Variants in GEM observed in about 807,000 individuals in gnomAD.
The protein encoded by GEM is GTP binding protein overexpressed in skeletal muscle, also known as GTP-binding protein GEM.
In GEM, 31 loss-of-function variants were observed where a neutral mutation model predicts 33.0. That is an observed-to-expected ratio of 0.94 (90% CI 0.71 to 1.27). The LOEUF (loss-of-function observed/expected upper bound fraction) is 1.27. Among genes scored for constraint, GEM ranks in the 50% most tolerant of loss-of-function variants. The pLI is 0.00. For synonymous variants in GEM, 141 were observed against 143.7 expected, an observed-to-expected ratio of 0.98 and a Z score of 0.13; for missense variants, 354 against 390.5, an observed-to-expected ratio of 0.91 and a Z score of 0.79.
At position 94,262,198 on chromosome 8, in the gene GEM, C is replaced by G. The variant is rs558443687; in HGVS notation, c.-118G>C. 6.6e-6 allele frequency: 1 copy of G among 152,430 alleles called. No individual in the cohort carries two copies. The highest frequency in any genetic ancestry group is 2.1e-4 in the South Asian group (1 of 4,832). 9.4% of individuals were successfully genotyped at this position (152,430 alleles called of 1,614,324 possible). A position where few individuals can be genotyped will look rare whatever the true frequency, so the allele number is the denominator to read the frequency against. On this transcript the variant is annotated 5_prime_UTR_variant, in exon 1 of 5. Coordinates refer to ENST00000297596, the MANE Select transcript of GEM (RefSeq NM_005261.4). ...CTCCCTTCTCCGTCTCGGGCCGTCCCCCTTACTTGGCTCGGCCGGATCGGC... is the reference window on the plus strand; with the variant it reads ...CTCCCTTCTCCGTCTCGGGCCGTCCGCCTTACTTGGCTCGGCCGGATCGGC...
chr8:94,260,560 G>A, intron 1 of GEM, 48 bp from the exon 2 acceptor site: 1 of 1,056,428 alleles, frequency 9.5e-7, no homozygotes, highest in Admixed American at 2.1e-5. Context: ...GCATGAGTGA[G>A]AGCTCCGCTC....
At chr8:94,251,019 G>T (rs1808760044) in intron 4 of GEM, among the ~76,000 whole-genome samples, 1 of 152,182 alleles carries the variant, frequency 6.6e-6, no homozygotes. Flanking sequence ...TCCTCTGCAG[G>T]TGAAGTTCAC....
At chr8:94,256,386 G>A (rs955068722) in intron 2 of GEM, among the ~76,000 whole-genome samples, 3 of 152,152 alleles carry the variant, frequency 2.0e-5, no homozygotes, top group Non-Finnish European at 4.4e-5. Flanking sequence ...TACTGCAATG[G>A]CCCTGAATAA....
intron 1 of GEM, among the ~76,000 whole-genome samples, chr8:94,261,693 G>C (rs1183707548): frequency 6.6e-6 from 1 of 152,148 alleles, no homozygotes; most frequent in African/African-American, 2.4e-5. Flanking sequence ...GAAGGCTGAA[G>C]ACTCCCCTAA....
chr8:94,256,879 T>C (rs754163005), intron 2 of GEM, among the ~76,000 whole-genome samples: 48 of 152,340 alleles, frequency 3.2e-4, no homozygotes, highest in Middle Eastern at 6.8e-3. Context: ...GTTATATCCT[T>C]TAATCCTCGT....
intron 2 of GEM, among the ~76,000 whole-genome samples, chr8:94,254,497 T>C (rs923285208): frequency 1.3e-5 from 2 of 152,206 alleles, no homozygotes; most frequent in Non-Finnish European, 2.9e-5. Context: ...ACCTTAGGGC[T>C]ATGTGACAAT....
At chr8:94,250,757 G>A (rs1808752951) in intron 4 of GEM, among the ~76,000 whole-genome samples, 170 bp from the exon 5 acceptor site, 1 of 152,224 alleles carries the variant, frequency 6.6e-6, no homozygotes, top group South Asian at 2.1e-4. Context: ...ATGTCTCACT[G>A]GAGGGTCCCT....
intron 2 of GEM, among the ~76,000 whole-genome samples, chr8:94,254,334 G>A (rs1018017778): frequency 2.8e-4 from 42 of 152,146 alleles, no homozygotes; most frequent in African/African-American, 8.9e-4. Context: ...TACAGTGAAC[G>A]AATGATAAAT....
At chr8:94,257,024 A>G (rs532090194) in intron 2 of GEM, among the ~76,000 whole-genome samples, 62 of 152,174 alleles carry the variant, frequency 4.1e-4, no homozygotes, top group African/African-American at 1.2e-3. Flanking sequence ...CCCAAGCCCA[A>G]TGAGACTTCC....
chr8:94,261,559 C>T (rs1241617500), intron 1 of GEM, among the ~76,000 whole-genome samples: 2 of 152,052 alleles, frequency 1.3e-5, no homozygotes. Flanking sequence ...ACAGTGGCCT[C>T]ACTATGTTGC....
chr8:94,258,608 G>C (rs947524797), intron 2 of GEM, among the ~76,000 whole-genome samples: 3 of 152,182 alleles, frequency 2.0e-5, no homozygotes, highest in African/African-American at 7.2e-5. Context: ...CCATGTACTA[G>C]TTTTTTCACC....
chr8:94,250,067 C>T lies in GEM; in HGVS notation c.*243G>A. On this transcript the variant is annotated 3_prime_UTR_variant, in exon 5 of 5. Coordinates refer to ENST00000297596, the MANE Select transcript of GEM (RefSeq NM_005261.4). ...AAGAAACACATGTGAACACCAAACA[C>T]ATCCTCTAAAGAGTCTTGGGTGTTC... 8.0e-6 allele frequency: 4 copies of T among 498,138 alleles called. No homozygotes were observed. Among genetic ancestry groups the T allele is most frequent in the Non-Finnish European group, 1.4e-5 (4 of 285,160 alleles). 30.9% of individuals were successfully genotyped at this position (498,138 alleles called of 1,614,324 possible).
At chr8:94,254,773 G>A (rs1808851600) in intron 2 of GEM, among the ~76,000 whole-genome samples, 1 of 152,170 alleles carries the variant, frequency 6.6e-6, no homozygotes, top group African/African-American at 2.4e-5. Flanking sequence ...AGGAAAACTT[G>A]GACAAATAAG....
At position 94,250,576 on chromosome 8, in the gene GEM, A is replaced by G; in HGVS notation, c.625T>C (p.Cys209Arg). The change falls in exon 5 of 5, where the codon TGT (cysteine) becomes CGT (arginine). Residue 209 changes from cysteine to arginine, a missense_variant. Cys to Arg is a radical substitution (Grantham distance 180). Coordinates refer to ENST00000297596, the MANE Select transcript of GEM (RefSeq NM_005261.4). ...AACTTGCAGTCAAACACCACTGCAC[A>G]GGCTCTCCCTTCTGGGAAGGAAAGA... ...REVSVSEGRA[C>R]AVVFDCKFIE... 3 of 1,612,178 alleles carry G rather than the reference A, an allele frequency of 1.9e-6. No individual in the cohort carries two copies. The highest frequency in any genetic ancestry group is 2.2e-5 in the East Asian group (1 of 44,830).
At chr8:94,257,965 A>C (rs1808932359) in intron 2 of GEM, among the ~76,000 whole-genome samples, 1 of 152,148 alleles carries the variant, frequency 6.6e-6, no homozygotes, top group Non-Finnish European at 1.5e-5. Flanking sequence ...CTGTGTAAGA[A>C]GCTAGGGAAA....
intron 2 of GEM, among the ~76,000 whole-genome samples, chr8:94,258,062 C>T (rs1586064663): frequency 6.6e-6 from 1 of 151,944 alleles, no homozygotes; most frequent in Non-Finnish European, 1.5e-5. Context: ...TGCCTGATGC[C>T]CAATGTGCTG....
At chr8:94,256,354 C>G (rs529143429) in intron 2 of GEM, among the ~76,000 whole-genome samples, 2 of 152,320 alleles carry the variant, frequency 1.3e-5, no homozygotes, top group Non-Finnish European at 2.9e-5. Flanking sequence ...TGAGCCCCAT[C>G]TCTCCCCACT....
chr8:94,257,177 A>AT (rs1432376746), intron 2 of GEM, among the ~76,000 whole-genome samples: 1 of 150,802 alleles, frequency 6.6e-6, no homozygotes, highest in Non-Finnish European at 1.5e-5. Flanking sequence ...TTTTATTTTT[A>AT]TTTTATTTTA....
chr8:94,256,009 G>A (rs1461053109), intron 2 of GEM, among the ~76,000 whole-genome samples: 1 of 152,070 alleles, frequency 6.6e-6, no homozygotes. Context: ...GCCTCTCCCT[G>A]GGCTTCCGTT....
Sources: allele counts gnomAD v4.1 joint callset (sites outside exome capture counted in the v4.1 genomes callset), GRCh38; gene constraint gnomAD v4.1.1; transcripts MANE v1.5; gene names NCBI Gene and HGNC (gene_info 2026-07-23, HGNC 2026-07-21).